The following GRIK2 variants were observed in gnomAD, a reference collection of about 807,000 sequenced individuals.
The protein encoded by GRIK2 is glutamate ionotropic receptor kainate type subunit 2, also known as glutamate receptor ionotropic, kainate 2.
GRIK2 carries 32 observed loss-of-function variants against 100.3 expected under a neutral mutation model. The ratio of observed to expected loss-of-function variants is 0.32; its 90% CI spans 0.24 to 0.43. The LOEUF is 0.43. Among genes scored for constraint, GRIK2 ranks in the 20% least tolerant of loss-of-function variants. The pLI, the probability that GRIK2 is intolerant of heterozygous loss-of-function variation, is 1.00. For missense variants in GRIK2, 843 were observed against 1,114.9 expected, an observed-to-expected ratio of 0.76 and a Z score of 3.47; for synonymous variants, 417 against 389.4, an observed-to-expected ratio of 1.07 and a Z score of -0.83.
intron 2 of GRIK2, among the ~76,000 whole-genome samples, chr6:101,547,955 G>A (rs570335393): frequency 2.2e-4 from 34 of 152,208 alleles, no homozygotes; most frequent in African/African-American, 2.9e-4. Context: ...AAGTGTTCCT[G>A]TTTCTCCACA....
At chr6:101,913,998 TA>T (rs1293834807) in intron 12 of GRIK2, among the ~76,000 whole-genome samples, 2 of 151,414 alleles carry the variant, frequency 1.3e-5, no homozygotes, top group Non-Finnish European at 3.0e-5. Context: ...AAGATTTACT[TA>T]ATAGTCATAA....
At chr6:101,821,115 A>G (rs568827889) in intron 10 of GRIK2, among the ~76,000 whole-genome samples, 1 of 152,300 alleles carries the variant, frequency 6.6e-6, no homozygotes, top group South Asian at 2.1e-4. Flanking sequence ...AGAACTTTCA[A>G]ATGACTATAT....
At chr6:101,423,748 G>A (rs1776538808) in intron 2 of GRIK2, among the ~76,000 whole-genome samples, 2 of 139,484 alleles carry the variant, frequency 1.4e-5, no homozygotes, top group Non-Finnish European at 3.1e-5. Context: ...CAACTTCCAA[G>A]CATTTATTCA....
intron 2 of GRIK2, among the ~76,000 whole-genome samples, chr6:101,546,887 G>C (rs1776268361): frequency 8.4e-6 from 1 of 118,622 alleles, no homozygotes; most frequent in South Asian, 3.1e-4. Context: ...CTGGAGTGCA[G>C]TGGCGGGATC....
At chr6:101,430,786 A>C (rs1368801967) in intron 2 of GRIK2, 1 of 243,806 alleles carries the variant, frequency 4.1e-6, no homozygotes, top group Non-Finnish European at 9.0e-6. Flanking sequence ...TCCAGGGAGG[A>C]AGAGGATGCC....
intron 7 of GRIK2, among the ~76,000 whole-genome samples, chr6:101,765,603 G>A (rs1777999974): frequency 6.6e-6 from 1 of 152,070 alleles, no homozygotes. Flanking sequence ...AATCTGCCTA[G>A]CCTGGAGGCA....
At chr6:101,936,073 T>C (rs980850149) in intron 14 of GRIK2, among the ~76,000 whole-genome samples, 4 of 152,196 alleles carry the variant, frequency 2.6e-5, no homozygotes, top group African/African-American at 9.6e-5. Context: ...ATCTTTTTTT[T>C]TTCTTTGTGC....
chr6:102,069,332 AAT>A lies in GRIK2; in HGVS notation c.*823_*824del, dbSNP rs2114548403. The A allele has an allele frequency of 6.7e-6, 1 of 148,296 alleles. No homozygotes were observed. Among genetic ancestry groups the A allele is most frequent in the Admixed American group, 6.8e-5 (1 of 14,750 alleles). The allele number at this position is 148,296 out of a possible 1,614,324, so 9.2% of individuals were successfully genotyped here. A position where few individuals can be genotyped will look rare whatever the true frequency, so the allele number is the denominator to read the frequency against. ...TAATAATAATAATAATAATAATAAT[AAT>A]AATAAAAGCAGTTGGTTCAGTGATT... is the stretch of plus-strand genomic sequence containing the variant. On this transcript the variant is annotated 3_prime_UTR_variant, in exon 17 of 17. Transcript: ENST00000369134.
intron 2 of GRIK2, among the ~76,000 whole-genome samples, chr6:101,412,407 A>T (rs1775926958): frequency 6.6e-6 from 1 of 152,046 alleles, no homozygotes; most frequent in Non-Finnish European, 1.5e-5. Flanking sequence ...ATCTAGATAC[A>T]GACTTCTGTA....
At chr6:101,444,069 T>TTTG (rs1562142123) in intron 2 of GRIK2, among the ~76,000 whole-genome samples, 1,740 of 145,456 alleles carry the variant, frequency 0.012, 18 homozygotes, top group Admixed American at 0.017. Context: ...TTCCGGGTTT[T>TTTG]TTTGTTTGTT....
chr6:101,434,738 C>T (rs1022818557), intron 2 of GRIK2, among the ~76,000 whole-genome samples: 2 of 152,106 alleles, frequency 1.3e-5, no homozygotes, highest in Admixed American at 1.3e-4. Flanking sequence ...ACACCCGGTC[C>T]CTCATGGTGG....
intron 12 of GRIK2, among the ~76,000 whole-genome samples, chr6:101,905,372 G>A (rs1414229821): frequency 6.6e-6 from 1 of 151,486 alleles, no homozygotes; most frequent in African/African-American, 2.4e-5. Context: ...ATAGTTAATG[G>A]GAAGTGTTAT....
At chr6:101,643,892 G>A (rs1781399274) in intron 4 of GRIK2, among the ~76,000 whole-genome samples, 1 of 151,632 alleles carries the variant, frequency 6.6e-6, no homozygotes. Context: ...ACATTTATTT[G>A]TCAATTTATT....
chr6:101,899,208 A>G (rs982480030), intron 12 of GRIK2, among the ~76,000 whole-genome samples: 1 of 151,442 alleles, frequency 6.6e-6, no homozygotes, highest in Non-Finnish European at 1.5e-5. Flanking sequence ...GTATATAAAT[A>G]TAATTAGTAA....
intron 2 of GRIK2, among the ~76,000 whole-genome samples, chr6:101,567,510 T>C (rs1450595986): frequency 6.6e-6 from 1 of 151,988 alleles, no homozygotes; most frequent in Non-Finnish European, 1.5e-5. Flanking sequence ...GTTTTTCCTC[T>C]ATAGCACATA....
At chr6:101,602,733 G>A (rs371777237) in intron 2 of GRIK2, among the ~76,000 whole-genome samples, 5 of 151,558 alleles carry the variant, frequency 3.3e-5, no homozygotes, top group African/African-American at 1.2e-4. Context: ...TCCTTGTTTT[G>A]TTATATAACT....
At chr6:101,406,756 C>A (rs116721224) in intron 2 of GRIK2, among the ~76,000 whole-genome samples, 1 of 152,034 alleles carries the variant, frequency 6.6e-6, no homozygotes, top group Admixed American at 6.6e-5. Context: ...TCAAATTTAC[C>A]GCCAGACATC....
chr6:101,582,466 C>T (rs1229826948), intron 2 of GRIK2, among the ~76,000 whole-genome samples: 2 of 152,088 alleles, frequency 1.3e-5, no homozygotes, highest in Non-Finnish European at 2.9e-5. Context: ...TCTCCTGCTG[C>T]CCTGTGAAGA....
intron 12 of GRIK2, among the ~76,000 whole-genome samples, chr6:101,891,137 T>G (rs1419377048): frequency 6.6e-6 from 1 of 151,528 alleles, no homozygotes; most frequent in Non-Finnish European, 1.5e-5. Flanking sequence ...ATTAAACTTT[T>G]TTTTTTCCAA....
Sources: allele counts gnomAD v4.1 joint callset (sites outside exome capture counted in the v4.1 genomes callset), GRCh38; gene constraint gnomAD v4.1.1; transcripts MANE v1.5; gene names NCBI Gene and HGNC (gene_info 2026-07-23, HGNC 2026-07-21).